Variants in THEMIS observed in about 807,000 individuals in gnomAD.
The protein encoded by THEMIS is thymocyte selection associated, also known as protein THEMIS.
Under a neutral mutation model 52.6 loss-of-function variants are expected in THEMIS, and 37 were observed. The ratio of observed to expected loss-of-function variants is 0.70; its 90% CI spans 0.54 to 0.93. The LOEUF (loss-of-function observed/expected upper bound fraction) is 0.93. Ranked by LOEUF, THEMIS falls within the 40% of genes least tolerant of loss-of-function variation. The probability of loss-of-function intolerance (pLI) is 0.00; values close to 1 mark genes in which losing one functional copy is unlikely to be tolerated. For synonymous variants in THEMIS, 292 were observed against 272.7 expected (o/e 1.07, Z -0.70); for missense variants, 808 against 763.1 (o/e 1.06, Z -0.69).
chr6:127,814,011 T>C (rs1221563551), intron 3 of THEMIS, 80 bp from the exon 4 acceptor site: 8 of 1,182,160 alleles, frequency 6.8e-6, no homozygotes, highest in Admixed American at 3.0e-5. Context: ...ATGCCATAAA[T>C]AAATTTCTTT....
chr6:127,755,480 C>T (rs545794967), intron 4 of THEMIS, among the ~76,000 whole-genome samples: 2 of 152,096 alleles, frequency 1.3e-5, no homozygotes, highest in Non-Finnish European at 2.9e-5. Flanking sequence ...AAGTAACCAT[C>T]TGGCATATCA....
intron 5 of THEMIS, among the ~76,000 whole-genome samples, chr6:127,711,383 G>A (rs186109512): frequency 1.3e-5 from 2 of 152,106 alleles, no homozygotes; most frequent in African/African-American, 2.4e-5. Flanking sequence ...AGGAAGAAAG[G>A]TAATGTCAAA....
At chr6:127,852,725 T>G (rs911503458) in intron 2 of THEMIS, among the ~76,000 whole-genome samples, 2 of 151,538 alleles carry the variant, frequency 1.3e-5, no homozygotes, top group Non-Finnish European at 3.0e-5. Flanking sequence ...TATCTTTGAT[T>G]TCTATCTTTC....
intron 2 of THEMIS, among the ~76,000 whole-genome samples, chr6:127,833,915 G>A (rs1015637757): frequency 1.3e-5 from 2 of 152,112 alleles, no homozygotes; most frequent in Non-Finnish European, 2.9e-5. Flanking sequence ...TAACAAGGAT[G>A]TTTAAGTTGG....
intron 4 of THEMIS, among the ~76,000 whole-genome samples, chr6:127,737,808 T>G (rs1775058867): frequency 6.6e-6 from 1 of 152,216 alleles, no homozygotes; most frequent in Admixed American, 6.5e-5. Flanking sequence ...TTTAACTTAT[T>G]TTTAATTTGT....
At chr6:127,854,996 T>A in intron 2 of THEMIS, 34 bp downstream of exon 2, 1 of 1,559,768 alleles carries the variant, frequency 6.4e-7, no homozygotes, top group Non-Finnish European at 8.6e-7. Context: ...ACAATATAGT[T>A]GTACAAATGA....
At chr6:127,767,155 G>T (rs1344567794) in intron 4 of THEMIS, among the ~76,000 whole-genome samples, 2 of 151,316 alleles carry the variant, frequency 1.3e-5, no homozygotes, top group Non-Finnish European at 2.9e-5. Flanking sequence ...GCAGTGGCAC[G>T]ATCTTGACTC....
chr6:127,769,324 A>G (rs1776297889), intron 4 of THEMIS, among the ~76,000 whole-genome samples: 1 of 151,598 alleles, frequency 6.6e-6, no homozygotes, highest in Admixed American at 6.6e-5. Flanking sequence ...TTTATTGTGA[A>G]CAAATGAAAA....
chr6:127,802,541 C>T (rs1777571051), intron 4 of THEMIS, among the ~76,000 whole-genome samples: 1 of 141,002 alleles, frequency 7.1e-6, no homozygotes, highest in Non-Finnish European at 1.6e-5. Context: ...TAATTAATCA[C>T]AGTGTTCCTA....
intron 5 of THEMIS, among the ~76,000 whole-genome samples, chr6:127,710,398 T>A (rs1376576347): frequency 3.3e-5 from 5 of 151,916 alleles, no homozygotes; most frequent in Non-Finnish European, 7.4e-5. Flanking sequence ...ACATAGCTAG[T>A]AAGAAGATGA....
In THEMIS at chr6:127,830,229, G is replaced by T. The variant is rs189072335; in HGVS notation, c.251-295C>A. The stretch of plus-strand genomic sequence containing the variant: ...GGGAAATCTGGATGACACTGGCTCT[G>T]TTCCAACTACTTTGTGATCCCAAGC... On this transcript the variant is annotated intron_variant, in intron 2 of 5. Coordinates refer to ENST00000368248, the MANE Select transcript of THEMIS (RefSeq NM_001010923.3). 2.6e-5 allele frequency among the ~76,000 whole-genome samples: 4 copies of T among 152,322 alleles called. No individual in the cohort carries two copies. In the East Asian group the frequency reaches 5.8e-4, roughly 22 times the overall value.
upstream of THEMIS, among the ~76,000 whole-genome samples, chr6:127,901,775 T>C (rs1187989840): frequency 6.6e-6 from 1 of 152,048 alleles, no homozygotes; most frequent in Non-Finnish European, 1.5e-5. Context: ...TTGTTTTATT[T>C]ACTAAATGGA....
At chr6:127,756,026 C>CA (rs57815653) in intron 4 of THEMIS, among the ~76,000 whole-genome samples, 10,528 of 147,374 alleles carry the variant, frequency 0.071, 373 homozygotes, top group Non-Finnish European at 0.088. Context: ...GACTCCATCT[C>CA]AAAAAAAAAC....
intron 1 of THEMIS, among the ~76,000 whole-genome samples, chr6:127,888,691 C>T (rs985643048): frequency 6.6e-6 from 1 of 151,800 alleles, no homozygotes; most frequent in South Asian, 2.1e-4. Context: ...ATAATGCAAA[C>T]CAATTTTGTT....
At chr6:127,881,816 C>T (rs1337039316) in intron 1 of THEMIS, among the ~76,000 whole-genome samples, 3 of 151,810 alleles carry the variant, frequency 2.0e-5, no homozygotes, top group African/African-American at 2.4e-5. Flanking sequence ...AGCACATATA[C>T]AAAAATGCAC....
chr6:127,823,985 A>C (rs1778422253), intron 3 of THEMIS, among the ~76,000 whole-genome samples: 1 of 152,162 alleles, frequency 6.6e-6, no homozygotes, highest in Non-Finnish European at 1.5e-5. Flanking sequence ...GGCAAAATCC[A>C]AAGAAAAATG....
chr6:127,862,428 A>ATTTTTTTTTTTTTTTT (rs71028110), intron 1 of THEMIS, among the ~76,000 whole-genome samples: 1,252 of 72,660 alleles, frequency 0.017, 176 homozygotes, highest in Non-Finnish European at 0.023. Flanking sequence ...TAGGGAGTAA[A>ATTTTTTTTTTTTTTTT]TTTTTTTTTT....
intron 4 of THEMIS, among the ~76,000 whole-genome samples, chr6:127,797,219 C>A (rs907570669): frequency 6.6e-6 from 1 of 152,164 alleles, no homozygotes; most frequent in Admixed American, 6.5e-5. Context: ...ACTCTTGAAT[C>A]ACTAATATCT....
chr6:127,836,843 C>T (rs1431303955), intron 2 of THEMIS, among the ~76,000 whole-genome samples: 1 of 152,104 alleles, frequency 6.6e-6, no homozygotes, highest in Non-Finnish European at 1.5e-5. Context: ...CCTGACGGTC[C>T]TCTCTGGAAG....
Sources: allele counts gnomAD v4.1 joint callset (sites outside exome capture counted in the v4.1 genomes callset), GRCh38; gene constraint gnomAD v4.1.1; transcripts MANE v1.5; gene names NCBI Gene and HGNC (gene_info 2026-07-23, HGNC 2026-07-21).